Variants in UGT1A10 observed in about 807,000 individuals in gnomAD.
The protein encoded by UGT1A10 is UDP-glucuronosyltransferase 1A10.
A neutral mutation model predicts 45.8 loss-of-function variants in UGT1A10; 49 were observed. The observed-to-expected ratio is 1.07, with a 90% CI of 0.85 to 1.36. The LOEUF is 1.36. Ranked by LOEUF, UGT1A10 falls within the 40% of genes most tolerant of loss-of-function variation. The pLI is 0.00. For synonymous variants in UGT1A10, 284 were observed against 249.7 expected (o/e 1.14, Z -1.29); for missense variants, 745 against 668.6 (o/e 1.11, Z -1.26).
rs1019619995 is a variant in UGT1A10 at position 233,673,310 on chromosome 2, T to C, written c.855+35933T>C. On this transcript the variant is annotated intron_variant, in intron 1 of 4. Transcript: ENST00000344644. Reference sequence around the variant, plus strand: ...ACCTTTATAGACCAATACAGACAGATTTGACAAGTTCTATTAATAATTGCA... The same window carrying C: ...ACCTTTATAGACCAATACAGACAGACTTGACAAGTTCTATTAATAATTGCA... Among the ~76,000 whole-genome samples, 6 of 152,200 alleles carry C rather than the reference T, an allele frequency of 3.9e-5. 1 individual carries two copies. The highest frequency in any genetic ancestry group is 8.8e-5 in the Non-Finnish European group (6 of 68,018).
intron 1 of UGT1A10, among the ~76,000 whole-genome samples, chr2:233,689,612 G>A (rs972552231): frequency 3.9e-5 from 6 of 152,172 alleles, no homozygotes; most frequent in African/African-American, 4.8e-5. Flanking sequence ...TTTAAAATTC[G>A]GGGTTAGCAG....
At chr2:233,719,243 G>T in intron 1 of UGT1A10, 1 of 1,614,206 alleles carries the variant, frequency 6.2e-7, no homozygotes, top group South Asian at 1.1e-5. Context: ...TCAGGCACCT[G>T]AATGCTACTT....
At chr2:233,675,361 A>G (rs536751286) in intron 1 of UGT1A10, among the ~76,000 whole-genome samples, 4 of 152,326 alleles carry the variant, frequency 2.6e-5, no homozygotes, top group African/African-American at 9.6e-5. Flanking sequence ...AATAGTTTTA[A>G]TGGCAAAAAG....
chr2:233,747,102 A>G, intron 1 of UGT1A10: 2 of 1,361,188 alleles, frequency 1.5e-6, no homozygotes, highest in African/African-American at 2.9e-5. Context: ...CTATCTTCCA[A>G]TTACATGATG....
At chr2:233,741,636 G>A (rs776299256) in intron 1 of UGT1A10, 1 of 151,906 alleles carries the variant, frequency 6.6e-6, no homozygotes, top group Non-Finnish European at 1.5e-5. Flanking sequence ...GCCCCTGTGG[G>A]ATGGTGCCAG....
chr2:233,710,097 A>G (rs530644848), intron 1 of UGT1A10, among the ~76,000 whole-genome samples: 1 of 152,334 alleles, frequency 6.6e-6, no homozygotes, highest in South Asian at 2.1e-4. Flanking sequence ...TGCATGTATC[A>G]ATATTTCATT....
Position 233,743,740 on chromosome 2 carries a change from G to C in UGT1A10, c.856-23294G>C, listed in dbSNP as rs370997418. The C allele has an allele frequency of 1.2e-4, 170 of 1,367,378 alleles. 1 individual carries two copies. The highest frequency in any genetic ancestry group is 2.3e-4 in the South Asian group (20 of 88,054). The allele number at this position is 1,367,378 out of a possible 1,614,324, so 84.7% of individuals were successfully genotyped here. ...AGCGGTCATAGATATCGCGTTTCTTGGCGTCCGACAACACCTCGTAGGCCT... is the reference window on the plus strand; with the variant it reads ...AGCGGTCATAGATATCGCGTTTCTTCGCGTCCGACAACACCTCGTAGGCCT... On this transcript the variant is annotated intron_variant, in intron 1 of 4. Coordinates refer to ENST00000344644, the MANE Select transcript of UGT1A10 (RefSeq NM_019075.4).
intron 1 of UGT1A10, among the ~76,000 whole-genome samples, chr2:233,725,002 GC>G (rs1483949172): frequency 7.5e-6 from 1 of 134,040 alleles, no homozygotes; most frequent in African/African-American, 3.7e-5. Flanking sequence ...CTGGAGACCG[GC>G]CCGGCCAAAC....
At chr2:233,686,379 G>C (rs2125534524) in intron 1 of UGT1A10, among the ~76,000 whole-genome samples, 1 of 152,062 alleles carries the variant, frequency 6.6e-6, no homozygotes, top group Middle Eastern at 3.4e-3. Context: ...AGAATGAAAA[G>C]ACAACTCGTG....
intron 1 of UGT1A10, among the ~76,000 whole-genome samples, chr2:233,657,926 T>A (rs2073891193): frequency 6.6e-6 from 1 of 152,118 alleles, no homozygotes; most frequent in African/African-American, 2.4e-5. Context: ...CTTTTTTCCA[T>A]GAAACTTTTT....
Position 233,757,121 on chromosome 2 carries a change from A to G in UGT1A10, c.856-9913A>G, listed in dbSNP as rs559239929. 1.1e-4 allele frequency among the ~76,000 whole-genome samples: 17 copies of G among 151,382 alleles called. No homozygotes were observed. The South Asian group carries it at 3.4e-3, about 30-fold the overall frequency. ...GAGGGGGCAAGCAGAAGGGCTAGAG[A>G]GGAGGAATGAGCTTGGACAGGTGGG... On this transcript the variant is annotated intron_variant, in intron 1 of 4. Coordinates refer to ENST00000344644, the MANE Select transcript of UGT1A10 (RefSeq NM_019075.4).
chr2:233,671,773 C>T (rs1003663546), intron 1 of UGT1A10: 2 of 1,381,728 alleles, frequency 1.4e-6, no homozygotes, highest in South Asian at 1.8e-5. Context: ...CTCATATATT[C>T]TTGTTCTTTT....
At chr2:233,678,387 A>G (rs1247177194) in intron 1 of UGT1A10, among the ~76,000 whole-genome samples, 1 of 152,128 alleles carries the variant, frequency 6.6e-6, no homozygotes, top group East Asian at 1.9e-4. Context: ...TGGGCTGTGG[A>G]GGAGGAGGAG....
chr2:233,743,661 G>T, intron 1 of UGT1A10: 1 of 1,367,236 alleles, frequency 7.3e-7, no homozygotes, highest in Non-Finnish European at 9.8e-7. Flanking sequence ...TACTCGAAGG[G>T]GTCCTCGAAG....
At chr2:233,729,021 C>T (rs575781595) in intron 1 of UGT1A10, 130 of 1,593,082 alleles carry the variant, frequency 8.2e-5, no homozygotes, top group Non-Finnish European at 1.0e-4. Context: ...TCCAATTACA[C>T]GTTGATTTGC....
chr2:233,655,881 A>G (rs887216248), intron 1 of UGT1A10, among the ~76,000 whole-genome samples: 13 of 152,216 alleles, frequency 8.5e-5, no homozygotes, highest in Admixed American at 7.2e-4. Context: ...GCCTCTTGCT[A>G]TGATCAGTTT....
At chr2:233,711,444 A>AG (rs2076181432) in intron 1 of UGT1A10, among the ~76,000 whole-genome samples, 2 of 152,198 alleles carry the variant, frequency 1.3e-5, no homozygotes, top group Admixed American at 1.3e-4. Context: ...TACAGTTTTA[A>AG]GGGGGTTGGA....
chr2:233,714,763 T>C (rs2076410603), intron 1 of UGT1A10, among the ~76,000 whole-genome samples: 1 of 152,268 alleles, frequency 6.6e-6, no homozygotes, highest in African/African-American at 2.4e-5. Flanking sequence ...ACTTACAGTA[T>C]ATCTCAATTT....
At position 233,772,264 on chromosome 2, in the gene UGT1A10, A is replaced by G. The variant is rs766626435; in HGVS notation, c.1298A>G (p.Tyr433Cys). Reference sequence around the variant, plus strand: ...AACGAAACTGTCTTTGTGTTTAGTTACAAGGAGAACATCATGCGCCTCTCC... The same window carrying G: ...AACGAAACTGTCTTTGTGTTTAGTTGCAAGGAGAACATCATGCGCCTCTCC... Reference protein sequence around the residue: ...ALKAVINDKSYKENIMRLSSL... With the variant: ...ALKAVINDKSCKENIMRLSSL... The change falls in exon 5 of 5, where the codon TAC becomes TGC. Residue 433 changes from tyrosine to cysteine, a missense_variant and splice_region_variant. Tyr to Cys is a radical substitution (Grantham distance 194). Coordinates refer to ENST00000344644, the MANE Select transcript of UGT1A10 (RefSeq NM_019075.4). The G allele has an allele frequency of 2.5e-6, 4 of 1,614,262 alleles. No homozygotes were observed. Among genetic ancestry groups the G allele is most frequent in the Admixed American group, 1.7e-5 (1 of 60,030 alleles).
Sources: gnomAD v4.1 joint callset for allele counts (sites outside exome capture counted in the v4.1 genomes callset) on GRCh38, gnomAD v4.1.1 for gene constraint, MANE v1.5 for transcripts, NCBI Gene and HGNC (gene_info 2026-07-23, HGNC 2026-07-21) for gene names.